NRK: variants seen among roughly 807,000 people sequenced by gnomAD.
NRK encodes Nik related kinase, also known as nik-related protein kinase.
In NRK, 67 loss-of-function variants were observed where a neutral mutation model predicts 125.2. The ratio of observed to expected loss-of-function variants is 0.54; its 90% CI spans 0.44 to 0.66. The LOEUF is 0.66. Among genes scored for constraint, NRK ranks in the 30% least tolerant of loss-of-function variants. NRK has a pLI of 0.00. For missense variants in NRK, 1,224 were observed against 1,192.9 expected, an observed-to-expected ratio of 1.03 and a Z score of -0.38; for synonymous variants, 458 against 429.0, an observed-to-expected ratio of 1.07 and a Z score of -0.84.
chrX:105,924,238 A>G (rs768725990), intron 18 of NRK, among the ~76,000 whole-genome samples: 1 of 110,522 alleles, frequency 9.0e-6, no homozygotes, highest in South Asian at 3.9e-4. Context: ...GTCAGTACAC[A>G]TGTTAGAAAA....
intron 1 of NRK, among the ~76,000 whole-genome samples, chrX:105,826,724 A>G (rs1383462690): frequency 9.1e-6 from 1 of 110,404 alleles, no homozygotes; most frequent in Non-Finnish European, 1.9e-5. Context: ...CAGGCCTGCT[A>G]TCCACATTTG....
At chrX:105,949,794 G>A in intron 27 of NRK, 60 bp downstream of exon 27, 2 of 776,601 alleles carry the variant, frequency 2.6e-6, no homozygotes, top group Non-Finnish European at 3.7e-6. Flanking sequence ...GGGTAAAAAA[G>A]TGTCCTAAGA....
intron 2 of NRK, among the ~76,000 whole-genome samples, chrX:105,878,813 T>G (rs1225458995): frequency 9.0e-6 from 1 of 111,671 alleles, no homozygotes. Context: ...CTATCCCAAG[T>G]CAAGCACATT....
At chrX:105,840,843 C>CTG (rs1229943427) in intron 2 of NRK, among the ~76,000 whole-genome samples, 12 of 102,432 alleles carry the variant, frequency 1.2e-4, no homozygotes, top group African/African-American at 4.0e-4. Context: ...ATGTATGTGT[C>CTG]TGTGTGTGTG....
At chrX:105,935,855 G>A (rs1465065271) in intron 21 of NRK, among the ~76,000 whole-genome samples, 1 of 106,730 alleles carries the variant, frequency 9.4e-6, no homozygotes, top group Non-Finnish European at 1.9e-5. Flanking sequence ...GGTTATGATT[G>A]TTTGAAAGTT....
intron 22 of NRK, among the ~76,000 whole-genome samples, chrX:105,938,939 G>A (rs927103274): frequency 1.8e-5 from 2 of 111,117 alleles, no homozygotes; most frequent in African/African-American, 6.5e-5. Context: ...AGTGCAGAGC[G>A]AAGGGGGGAG....
chrX:105,892,376 C>T (rs769117556), intron 5 of NRK, among the ~76,000 whole-genome samples: 1 of 111,875 alleles, frequency 8.9e-6, no homozygotes, highest in African/African-American at 3.2e-5. Flanking sequence ...TTTCATGGGA[C>T]ACTTCACAAA....
intron 2 of NRK, among the ~76,000 whole-genome samples, chrX:105,878,165 G>T (rs185961637): frequency 9.0e-6 from 1 of 110,630 alleles, no homozygotes; most frequent in Non-Finnish European, 1.9e-5. Flanking sequence ...GCAAGTGTTC[G>T]TGTGAATAAT....
At position 105,958,315 on chromosome X, in the gene NRK, T is replaced by G. The variant is rs2041003412; in HGVS notation, c.*2715T>G. The G allele has an allele frequency of 8.9e-6, 1 of 112,092 alleles. No individual in the cohort carries two copies. Among genetic ancestry groups the G allele is most frequent in the Non-Finnish European group, 1.9e-5 (1 of 53,167 alleles). 9.2% of individuals were successfully genotyped at this position (112,092 alleles called of 1,213,427 possible). A position where few individuals can be genotyped will look rare whatever the true frequency, so the allele number is the denominator to read the frequency against. On this transcript the variant is annotated 3_prime_UTR_variant, in exon 29 of 29. Transcript: ENST00000243300. ...TCACATGTGCACACACACATACACA[T>G]GTAAACATTGGAATGCATAAGTTTT... is the stretch of plus-strand genomic sequence containing the variant.
At chrX:105,855,844 G>T (rs2039525182) in intron 2 of NRK, among the ~76,000 whole-genome samples, 1 of 111,058 alleles carries the variant, frequency 9.0e-6, no homozygotes, top group Non-Finnish European at 1.9e-5. Flanking sequence ...ATAAACTAAG[G>T]ATCAGTAGGA....
intron 21 of NRK, 87 bp downstream of exon 21, chrX:105,935,412 C>G: frequency 1.7e-6 from 1 of 576,640 alleles, no homozygotes; most frequent in Non-Finnish European, 2.6e-6. Flanking sequence ...CTTACTCTTA[C>G]CAAGTCATTA....
Position 105,857,114 on chromosome X carries a change from T to C in NRK, c.124-23085T>C, listed in dbSNP as rs946358116. Among the ~76,000 whole-genome samples the C allele has an allele frequency of 6.3e-5, 7 of 111,893 alleles. No homozygotes were observed. The East Asian group carries it at 2.0e-3, about 31-fold the overall frequency. On this transcript the variant is annotated intron_variant, in intron 2 of 28. Transcript: ENST00000243300. Reference sequence around the variant, plus strand: ...AGTAATTTTGAGACAATAACCAGCATATTGAAGAAATTTCAATTGATTCAT... The same window carrying C: ...AGTAATTTTGAGACAATAACCAGCACATTGAAGAAATTTCAATTGATTCAT...
chrX:105,833,650 A>G (rs1186800438), intron 2 of NRK, among the ~76,000 whole-genome samples: 1 of 111,792 alleles, frequency 8.9e-6, no homozygotes, highest in Admixed American at 9.6e-5. Flanking sequence ...GTAAAAAGGT[A>G]AGTTATGCAT....
intron 9 of NRK, among the ~76,000 whole-genome samples, chrX:105,901,427 A>G (rs2040155790): frequency 9.0e-6 from 1 of 111,683 alleles, no homozygotes; most frequent in Non-Finnish European, 1.9e-5. Context: ...ATGACAATGC[A>G]TCTTTGGTAT....
In NRK at chrX:105,888,472, G is replaced by T. The variant is rs2039976315; in HGVS notation, c.378+53G>T. The T allele has an allele frequency of 5.9e-6, 6 of 1,015,773 alleles. No individual in the cohort carries two copies. In the Admixed American group the frequency reaches 1.6e-4, roughly 26 times the overall value. 83.7% of individuals were successfully genotyped at this position (1,015,773 alleles called of 1,213,427 possible). On this transcript the variant is annotated intron_variant, in intron 5 of 28. Coordinates refer to ENST00000243300, the MANE Select transcript of NRK (RefSeq NM_198465.4). ...TCTATAAGAATAAGTTTTACCCAAG[G>T]ATGTATGTTTTCATGAGTTATCACT...
rs758491928 is a variant in NRK, at chrX:105,846,179, C to A, written c.123+15060C>A. Among the ~76,000 whole-genome samples the A allele has an allele frequency of 7.1e-5, 8 of 112,079 alleles. No individual in the cohort carries two copies. In the South Asian group the frequency reaches 3.0e-3, roughly 42 times the overall value. ...TTTTTTTGGTGAAAGACCTTATGTT[C>A]TTCTGTTTCACAGGCCAGGCTATCA... On this transcript the variant is annotated intron_variant, in intron 2 of 28. Coordinates refer to ENST00000243300, the MANE Select transcript of NRK (RefSeq NM_198465.4).
chrX:105,872,534 G>GCC (rs2039761199), intron 2 of NRK, among the ~76,000 whole-genome samples: 2 of 110,539 alleles, frequency 1.8e-5, no homozygotes, highest in Non-Finnish European at 3.8e-5. Context: ...TCCCTTATAT[G>GCC]TCCCCAAACC....
chrX:105,873,944 C>A (rs767243684), intron 2 of NRK, among the ~76,000 whole-genome samples: 9 of 112,315 alleles, frequency 8.0e-5, no homozygotes, highest in Non-Finnish European at 1.7e-4. Context: ...ACTTTAAGGA[C>A]TTTTATGTTT....
At chrX:105,856,189 A>G (rs2147672346) in intron 2 of NRK, among the ~76,000 whole-genome samples, 1 of 112,036 alleles carries the variant, frequency 8.9e-6, no homozygotes, top group South Asian at 3.7e-4. Flanking sequence ...GGAAGTGCCT[A>G]TGTACCTAAC....
Sources: gnomAD v4.1 joint callset for allele counts (sites outside exome capture counted in the v4.1 genomes callset) on GRCh38, gnomAD v4.1.1 for gene constraint, MANE v1.5 for transcripts, NCBI Gene and HGNC (gene_info 2026-07-23, HGNC 2026-07-21) for gene names.